Variants in SAMHD1 observed in about 807,000 individuals in gnomAD.
SAMHD1 encodes the protein SAM and HD domain containing deoxynucleoside triphosphate triphosphohydrolase 1.
A neutral mutation model predicts 79.6 loss-of-function variants in SAMHD1; 54 were observed. The ratio of observed to expected loss-of-function variants is 0.68; its 90% CI spans 0.55 to 0.85. SAMHD1 has a LOEUF of 0.85. Ranked by LOEUF, SAMHD1 falls within the 40% of genes least tolerant of loss-of-function variation. The probability of loss-of-function intolerance (pLI) is 0.00; values close to 1 mark genes in which losing one functional copy is unlikely to be tolerated. For synonymous variants in SAMHD1, 260 were observed against 264.1 expected (o/e 0.98, Z 0.15); for missense variants, 663 against 782.7 (o/e 0.85, Z 1.82).
At chr20:36,912,333 A>C (rs967760651) in intron 10 of SAMHD1, 128 bp downstream of exon 10, 5 of 683,134 alleles carry the variant, frequency 7.3e-6, no homozygotes, top group Non-Finnish European at 1.3e-5. Flanking sequence ...TCTTTAAGGA[A>C]ACCATTTTCA....
intron 2 of SAMHD1, among the ~76,000 whole-genome samples, chr20:36,944,830 G>T (rs1001820492): frequency 1.3e-5 from 2 of 152,134 alleles, no homozygotes; most frequent in South Asian, 2.1e-4. Flanking sequence ...GGAGGTGAAG[G>T]TTGAGGTAAG....
At chr20:36,928,723 GA>G (rs2063550904) in intron 5 of SAMHD1, among the ~76,000 whole-genome samples, 3 of 149,888 alleles carry the variant, frequency 2.0e-5, no homozygotes, top group South Asian at 4.2e-4. Flanking sequence ...GGTGCAGGAA[GA>G]AAAAATTAGA....
At chr20:36,939,598 AAAAG>A (rs35442558) in intron 3 of SAMHD1, among the ~76,000 whole-genome samples, 65,052 of 151,476 alleles carry the variant, frequency 0.43, 15,575 homozygotes, top group African/African-American at 0.64. Context: ...CCATCTCAAA[AAAAG>A]AAAGAAAGAA....
At chr20:36,899,627 A>AG (rs1990264222) in intron 13 of SAMHD1, among the ~76,000 whole-genome samples, 1 of 152,326 alleles carries the variant, frequency 6.6e-6, no homozygotes, top group Middle Eastern at 3.4e-3. Context: ...GACTTTACTA[A>AG]GTGAGCAAGA....
chr20:36,905,431 A>G lies in SAMHD1; in HGVS notation c.1343T>C (p.Ile448Thr), dbSNP rs774964432. 119 of 1,613,818 alleles carry G rather than the reference A, an allele frequency of 7.4e-5. No homozygotes were observed. Among genetic ancestry groups the G allele is most frequent in the Non-Finnish European group, 9.8e-5 (116 of 1,179,862 alleles). ...LKDAREILKQ[I>T]EYRNLFKYVG... ...ATACTTGAATAGATTACGGTATTCA[A>G]TTTGTTTTAAAATCTCTCGTGCGTC... Residue 448 changes from isoleucine (I) to threonine (T), a missense_variant, in exon 12 of 16, where the codon ATT (isoleucine) becomes ACT (threonine). Physicochemically the swap from Ile to Thr is moderately conservative, Grantham distance 89. Transcript: ENST00000646673.
chr20:36,892,810 G>A lies in SAMHD1; in HGVS notation c.*122C>T. 8.1e-7 allele frequency: 1 copy of A among 1,236,936 alleles called. No homozygotes were observed. Among genetic ancestry groups the A allele is most frequent in the Admixed American group, 1.7e-5 (1 of 59,466 alleles). The allele number at this position is 1,236,936 out of a possible 1,614,324, so 76.6% of individuals were successfully genotyped here. On this transcript the variant is annotated 3_prime_UTR_variant, in exon 16 of 16. Transcript: ENST00000646673. ...ATTAAAAGTTACTTAGCTTCAGCAT[G>A]CGTGTACATTCAAAATACAAAATTA...
chr20:36,940,712 G>T, intron 3 of SAMHD1: 1 of 342,010 alleles, frequency 2.9e-6, no homozygotes, highest in Non-Finnish European at 5.5e-6. Context: ...AAAAAAAAAA[G>T]AATGTACAAA....
At position 36,932,447 on chromosome 20, in the gene SAMHD1, G is replaced by C. The variant is rs547808382; in HGVS notation, c.510-1572C>G. Among the ~76,000 whole-genome samples the C allele has an allele frequency of 1.4e-3, 203 of 142,298 alleles. 1 individual carries two copies. Among genetic ancestry groups the C allele is most frequent in the African/African-American group, 5.0e-3 (187 of 37,602 alleles). 93.4% of individuals were successfully genotyped at this position (142,298 alleles called of 152,430 possible). On this transcript the variant is annotated intron_variant, in intron 4 of 15. Coordinates refer to ENST00000646673, the MANE Select transcript of SAMHD1 (RefSeq NM_015474.4). The stretch of plus-strand genomic sequence containing the variant: ...TGAAGAGTTGTTTAATACGTATACA[G>C]TTTCGTGTTTTTTTTTTTTTTTTTT...
In SAMHD1 at chr20:36,946,530, T is replaced by C. The variant is rs556647282; in HGVS notation, c.275+208A>G. On this transcript the variant is annotated intron_variant, in intron 2 of 15. Transcript: ENST00000646673. The stretch of plus-strand genomic sequence containing the variant: ...TGAAGCCGGGAGGCAGAGGTTGCAG[T>C]GAGCCGAGATACTCCAGCCTGGGTG... The C allele has an allele frequency of 8.0e-6, 4 of 501,002 alleles. 1 individual carries two copies. The highest frequency in any genetic ancestry group is 7.8e-5 in the African/African-American group (4 of 51,228). The allele number at this position is 501,002 out of a possible 1,614,324, so 31.0% of individuals were successfully genotyped here.
At chr20:36,946,852 A>G (rs1272975750) in intron 1 of SAMHD1, 48 bp from the exon 2 acceptor site, 7 of 1,446,324 alleles carry the variant, frequency 4.8e-6, no homozygotes, top group Non-Finnish European at 6.7e-6. Context: ...TATGCTTTTC[A>G]TTTTCTTTCA....
Position 36,927,175 on chromosome 20 carries a change from T to C in SAMHD1, c.696+7A>G. 1 of 1,609,098 alleles carries C rather than the reference T, an allele frequency of 6.2e-7. No individual in the cohort carries two copies. The highest frequency in any genetic ancestry group is 8.5e-7 in the Non-Finnish European group (1 of 1,175,422). ...TTTTATTGACTATTGACTGTATGAA[T>C]ACATACCGTCCATTTCACCTCCGGG... On this transcript the variant is annotated splice_region_variant and intron_variant, in intron 6 of 15. Transcript: ENST00000646673.
Position 36,912,571 on chromosome 20 carries a change from TA to T in SAMHD1, c.1063-20del. 1 of 1,482,654 alleles carries T rather than the reference TA, an allele frequency of 6.7e-7. No individual in the cohort carries two copies. Among genetic ancestry groups the T allele is most frequent in the Non-Finnish European group, 9.4e-7 (1 of 1,061,572 alleles). 91.8% of individuals were successfully genotyped at this position (1,482,654 alleles called of 1,614,324 possible). A position where few individuals can be genotyped will look rare whatever the true frequency, so the allele number is the denominator to read the frequency against. On this transcript the variant is annotated intron_variant, in intron 9 of 15. Transcript: ENST00000646673. ...CAACTTCCTGCAGGAAAACATGAAG[TA>T]AATATTAATAGGATCAGATTATGTT... is the stretch of plus-strand genomic sequence containing the variant.
rs529083763 is a variant in SAMHD1, at chr20:36,911,471, G to A, written c.1155-138C>T. 1.7e-4 allele frequency: 109 copies of A among 659,812 alleles called. 3 individuals carry two copies. In the South Asian group the frequency reaches 1.7e-3, roughly 10 times the overall value. 40.9% of individuals were successfully genotyped at this position (659,812 alleles called of 1,614,324 possible). A position where few individuals can be genotyped will look rare whatever the true frequency, so the allele number is the denominator to read the frequency against. ...TTCTAAAGACAACTGCTTCTCCACC[G>A]TACTAAATTTGTGCTTGGTAAGCTG... On this transcript the variant is annotated intron_variant, in intron 10 of 15. Coordinates refer to ENST00000646673, the MANE Select transcript of SAMHD1 (RefSeq NM_015474.4).
At chr20:36,947,530 AAT>A (rs2063700133) in intron 1 of SAMHD1, among the ~76,000 whole-genome samples, 1 of 89,588 alleles carries the variant, frequency 1.1e-5, no homozygotes, top group Non-Finnish European at 2.1e-5. Flanking sequence ...GAAAGCACTC[AAT>A]ACTCTGATTT....
At chr20:36,942,588 T>G (rs2063653449) in intron 2 of SAMHD1, among the ~76,000 whole-genome samples, 1 of 152,182 alleles carries the variant, frequency 6.6e-6, no homozygotes, top group Non-Finnish European at 1.5e-5. Flanking sequence ...TTCCAACATT[T>G]CTGAAATTTA....
chr20:36,932,283 G>A (rs940073046), intron 4 of SAMHD1, among the ~76,000 whole-genome samples: 1 of 149,958 alleles, frequency 6.7e-6, no homozygotes, highest in Non-Finnish European at 1.5e-5. Flanking sequence ...CCGAGGAGGC[G>A]GAGGTTGTGG....
chr20:36,912,315 A>AT (rs2063445259), intron 10 of SAMHD1, 146 bp downstream of exon 10: 4 of 648,966 alleles, frequency 6.2e-6, no homozygotes, highest in Middle Eastern at 4.0e-4. Flanking sequence ...TTTATGCTAG[A>AT]TTTTTTTTCT....
At chr20:36,950,690 ACCC>A (rs1352516766) in intron 1 of SAMHD1, among the ~76,000 whole-genome samples, 1 of 152,114 alleles carries the variant, frequency 6.6e-6, no homozygotes, top group Non-Finnish European at 1.5e-5. Flanking sequence ...CAACTGAACA[ACCC>A]CAAGGTTCAG....
intron 4 of SAMHD1, chr20:36,934,517 C>CAAAAAAAAAA (rs35696057): frequency 9.3e-5 from 5 of 53,996 alleles, no homozygotes; most frequent in African/African-American, 3.6e-4. Context: ...GACTCTGTCT[C>CAAAAAAAAAA]AAAAAAAAAA....
Sources: allele counts gnomAD v4.1 joint callset (sites outside exome capture counted in the v4.1 genomes callset), GRCh38; gene constraint gnomAD v4.1.1; transcripts MANE v1.5; gene names NCBI Gene and HGNC (gene_info 2026-07-23, HGNC 2026-07-21).